Variants in PCDH11X observed in about 807,000 individuals in gnomAD.
PCDH11X encodes the protein protocadherin-11 X-linked.
In PCDH11X, 18 loss-of-function variants were observed where a neutral mutation model predicts 53.3. The ratio of observed to expected loss-of-function variants is 0.34; its 90% confidence interval spans 0.23 to 0.50. PCDH11X has a LOEUF of 0.50. Among genes scored for constraint, PCDH11X ranks in the 20% least tolerant of loss-of-function variants. The probability of loss-of-function intolerance (pLI) is 0.98; values close to 1 mark genes in which losing one functional copy is unlikely to be tolerated. For synonymous variants in PCDH11X, 279 were observed against 393.3 expected, an observed-to-expected ratio of 0.71 and a Z score of 3.44; for missense variants, 570 against 1,032.4, an observed-to-expected ratio of 0.55 and a Z score of 6.14.
In PCDH11X at chrX:91,830,278, T is replaced by C. The variant is rs1485241134; in HGVS notation, c.-44-5183T>C. On this transcript the variant is annotated intron_variant, in intron 4 of 10. Transcript: ENST00000682573. The stretch of plus-strand genomic sequence containing the variant: ...AACAATTTGGAGAAGGAAGCAGCAT[T>C]GATGGAATCCACTTCTCAGAGAAGT... 3.6e-5 allele frequency among the ~76,000 whole-genome samples: 4 copies of C among 111,848 alleles called. No homozygotes were observed. In the East Asian group the frequency reaches 1.1e-3, roughly 31 times the overall value.
chrX:92,447,866 G>A (rs2072690140), intron 9 of PCDH11X, among the ~76,000 whole-genome samples: 1 of 112,429 alleles, frequency 8.9e-6, no homozygotes, highest in South Asian at 3.7e-4. Flanking sequence ...AGCCACAGAG[G>A]TGGAGCTGCT....
intron 7 of PCDH11X, among the ~76,000 whole-genome samples, chrX:92,249,744 G>A (rs1169676613): frequency 8.9e-6 from 1 of 111,852 alleles, no homozygotes; most frequent in Admixed American, 9.5e-5. Flanking sequence ...TCCATTTTGA[G>A]AATAGCATTG....
chrX:91,780,763 A>ACTTT (rs747575487), intron 1 of PCDH11X, among the ~76,000 whole-genome samples: 30 of 112,853 alleles, frequency 2.7e-4, no homozygotes, highest in Non-Finnish European at 5.2e-4. Flanking sequence ...TATTTTTTAG[A>ACTTT]CTTTAGAAGA....
intron 6 of PCDH11X, among the ~76,000 whole-genome samples, chrX:92,200,826 T>C (rs190871975): frequency 1.8e-4 from 20 of 112,380 alleles, no homozygotes; most frequent in African/African-American, 2.6e-4. Flanking sequence ...TGCAAAAGCA[T>C]TGGACAGAAA....
In PCDH11X at chrX:92,357,022, G is replaced by A. The variant is rs1213821385; in HGVS notation, c.3145-30713G>A. Among the ~76,000 whole-genome samples, 23 of 111,143 alleles carry A rather than the reference G, an allele frequency of 2.1e-4. No homozygotes were observed. The Admixed American group carries it at 2.2e-3, about 11-fold the overall frequency. ...AAGTACTGAATGCCAAGAGCAGGTG[G>A]CTGAGGATGGAGCAAAGTTCAAAAA... On this transcript the variant is annotated intron_variant, in intron 8 of 10. Transcript: ENST00000682573.
At chrX:92,573,900 A>G (rs1414697913) in intron 10 of PCDH11X, among the ~76,000 whole-genome samples, 2 of 110,758 alleles carry the variant, frequency 1.8e-5, no homozygotes, top group African/African-American at 3.3e-5. Flanking sequence ...GTTTAAATGC[A>G]TGTTCATGCA....
intron 5 of PCDH11X, among the ~76,000 whole-genome samples, chrX:91,851,661 G>A (rs56080147): frequency 9.8e-5 from 11 of 111,950 alleles, no homozygotes; most frequent in Admixed American, 3.8e-4. Flanking sequence ...TAAATTTTTC[G>A]TTGAAATTGA....
intron 6 of PCDH11X, among the ~76,000 whole-genome samples, chrX:92,121,575 G>C (rs890337951): frequency 1.8e-5 from 2 of 111,486 alleles, no homozygotes; most frequent in African/African-American, 6.5e-5. Flanking sequence ...GTGCACACTT[G>C]TCCTCATCTA....
intron 6 of PCDH11X, among the ~76,000 whole-genome samples, chrX:91,980,386 C>G (rs943516622): frequency 1.0e-5 from 1 of 100,257 alleles, no homozygotes; most frequent in East Asian, 3.2e-4. Context: ...ATTCACAGCT[C>G]TTTCTAGCTC....
At chrX:92,002,752 C>A (rs1353396032) in intron 6 of PCDH11X, among the ~76,000 whole-genome samples, 1 of 107,700 alleles carries the variant, frequency 9.3e-6, no homozygotes, top group Non-Finnish European at 1.9e-5. Flanking sequence ...TATCCTGCAA[C>A]TTTACTGAAT....
At chrX:92,157,496 C>G (rs2065558748) in intron 6 of PCDH11X, among the ~76,000 whole-genome samples, 2 of 111,684 alleles carry the variant, frequency 1.8e-5, no homozygotes, top group Admixed American at 1.9e-4. Flanking sequence ...ATAAAAATGA[C>G]AGAGTGTAAA....
At chrX:92,406,710 G>A (rs1469302472) in intron 9 of PCDH11X, among the ~76,000 whole-genome samples, 1 of 98,606 alleles carries the variant, frequency 1.0e-5, no homozygotes, top group East Asian at 3.4e-4. Flanking sequence ...GATCACCTGA[G>A]GTCAGGAGTT....
chrX:92,202,879 C>T (rs921332928), intron 7 of PCDH11X, among the ~76,000 whole-genome samples: 18 of 110,779 alleles, frequency 1.6e-4, no homozygotes, highest in Admixed American at 5.8e-4. Flanking sequence ...AAAAATTAGC[C>T]GGGCATGGTG....
In PCDH11X at chrX:92,136,141, A is replaced by G. The variant is rs1186830158; in HGVS notation, c.3034-65234A>G. On this transcript the variant is annotated intron_variant, in intron 6 of 10. Coordinates refer to ENST00000682573, the MANE Select transcript of PCDH11X (RefSeq NM_032968.5). ...TAGCTGTTAAGCACTATTCATTAGCAAAGCAAAGAAATAAAAGTCAAACAT... is the reference window on the plus strand; with the variant it reads ...TAGCTGTTAAGCACTATTCATTAGCGAAGCAAAGAAATAAAAGTCAAACAT... Among the ~76,000 whole-genome samples the G allele has an allele frequency of 2.7e-5, 3 of 111,127 alleles. No individual in the cohort carries two copies. In the East Asian group the frequency reaches 8.5e-4, roughly 32 times the overall value.
chrX:92,229,129 A>AG (rs2067023817), intron 7 of PCDH11X, among the ~76,000 whole-genome samples: 1 of 111,957 alleles, frequency 8.9e-6, no homozygotes, highest in Non-Finnish European at 1.9e-5. Flanking sequence ...TACAGTACTC[A>AG]GTAAACACTT....
chrX:92,205,791 G>A (rs1271553150), intron 7 of PCDH11X, among the ~76,000 whole-genome samples: 2 of 110,054 alleles, frequency 1.8e-5, no homozygotes, highest in African/African-American at 6.6e-5. Flanking sequence ...AGTAGCGACG[G>A]TGTTTCACCA....
intron 6 of PCDH11X, among the ~76,000 whole-genome samples, chrX:92,039,747 C>A (rs2063182871): frequency 9.0e-6 from 1 of 111,584 alleles, no homozygotes; most frequent in African/African-American, 3.3e-5. Flanking sequence ...AAGAAAAGTT[C>A]CCTTTGCTTT....
chrX:92,236,746 AT>A (rs1415800868), intron 7 of PCDH11X, among the ~76,000 whole-genome samples: 1 of 111,456 alleles, frequency 9.0e-6, no homozygotes, highest in Non-Finnish European at 1.9e-5. Context: ...TTTTCTGTTT[AT>A]TTTGAAAATA....
intron 8 of PCDH11X, among the ~76,000 whole-genome samples, chrX:92,301,922 G>A (rs1195120159): frequency 9.0e-6 from 1 of 111,261 alleles, no homozygotes; most frequent in Admixed American, 9.6e-5. Context: ...ACTTCTCTGT[G>A]TGTGATTCTC....
Sources: allele counts gnomAD v4.1 joint callset (sites outside exome capture counted in the v4.1 genomes callset), GRCh38; gene constraint gnomAD v4.1.1; transcripts MANE v1.5; gene names NCBI Gene and HGNC (gene_info 2026-07-23, HGNC 2026-07-21).